The following TMEM232 variants were observed in gnomAD, a reference collection of about 807,000 sequenced individuals.
TMEM232 encodes transmembrane protein 232.
TMEM232 carries 80 observed loss-of-function variants against 78.8 expected under a neutral mutation model. That is an observed-to-expected ratio of 1.01 (90% confidence interval 0.85 to 1.22). The LOEUF is 1.22. TMEM232 is among the 50% of genes most tolerant of loss of function. TMEM232 has a pLI of 0.00. For missense variants in TMEM232, 881 were observed against 742.2 expected (o/e 1.19, Z -2.17); for synonymous variants, 297 against 254.3 (o/e 1.17, Z -1.60).
chr5:110,698,510 G>T (rs184241446), intron 1 of TMEM232, among the ~76,000 whole-genome samples: 5 of 151,940 alleles, frequency 3.3e-5, no homozygotes, highest in African/African-American at 1.2e-4. Flanking sequence ...TGGCATAGTC[G>T]GCAGAATTCC....
chr5:110,567,919 T>A (rs1310582160), intron 11 of TMEM232, among the ~76,000 whole-genome samples: 1 of 151,982 alleles, frequency 6.6e-6, no homozygotes, highest in Non-Finnish European at 1.5e-5. Flanking sequence ...ATTTGAATCT[T>A]ACCAACAGCC....
intron 12 of TMEM232, among the ~76,000 whole-genome samples, chr5:110,482,852 C>A (rs996732619): frequency 6.6e-6 from 1 of 151,706 alleles, no homozygotes; most frequent in African/African-American, 2.4e-5. Context: ...CCAGAAAAAA[C>A]TTTCTTCAAA....
At chr5:110,695,975 C>A (rs1193967524) in intron 1 of TMEM232, among the ~76,000 whole-genome samples, 1 of 152,142 alleles carries the variant, frequency 6.6e-6, no homozygotes, top group Non-Finnish European at 1.5e-5. Context: ...CATCCTGATA[C>A]CAAAGCCTAG....
intron 12 of TMEM232, among the ~76,000 whole-genome samples, chr5:110,492,214 T>C (rs1765181545): frequency 6.6e-6 from 1 of 151,072 alleles, no homozygotes; most frequent in African/African-American, 2.4e-5. Context: ...AATAATAAAA[T>C]TAAAAAAAGA....
intron 10 of TMEM232, among the ~76,000 whole-genome samples, chr5:110,593,441 G>A (rs114912390): frequency 0.019 from 2,953 of 152,166 alleles, 90 homozygotes; most frequent in African/African-American, 0.068. Context: ...ACTTCCTGGG[G>A]GAAAATATCA....
At chr5:110,612,877 G>C (rs949559804) in intron 8 of TMEM232, among the ~76,000 whole-genome samples, 7 of 151,618 alleles carry the variant, frequency 4.6e-5, no homozygotes, top group Non-Finnish European at 1.0e-4. Context: ...GCGTTGACTT[G>C]AGCTATCTCC....
intron 11 of TMEM232, among the ~76,000 whole-genome samples, chr5:110,553,077 C>G (rs928047427): frequency 2.0e-5 from 3 of 152,028 alleles, no homozygotes; most frequent in Non-Finnish European, 4.4e-5. Context: ...GGTTCTCTAT[C>G]TTGTTCCATT....
chr5:110,682,584 A>G (rs1419804867), intron 1 of TMEM232, among the ~76,000 whole-genome samples: 1 of 152,170 alleles, frequency 6.6e-6, no homozygotes, highest in Non-Finnish European at 1.5e-5. Flanking sequence ...TATTTATCTG[A>G]AATGGCCAAA....
At chr5:110,404,166 G>T (rs1259967145) in intron 2 of TMEM232, among the ~76,000 whole-genome samples, 5 of 151,890 alleles carry the variant, frequency 3.3e-5, no homozygotes, top group African/African-American at 1.2e-4. Flanking sequence ...TTTTGACATT[G>T]AAATTTTCTA....
chr5:110,690,450 C>T (rs111592389), intron 1 of TMEM232, among the ~76,000 whole-genome samples: 18 of 152,158 alleles, frequency 1.2e-4, no homozygotes, highest in South Asian at 2.1e-4. Flanking sequence ...CTTAGAATGG[C>T]GATCATTAAA....
At chr5:110,557,823 G>A (rs959043298) in intron 11 of TMEM232, among the ~76,000 whole-genome samples, 3 of 152,132 alleles carry the variant, frequency 2.0e-5, no homozygotes, top group Non-Finnish European at 4.4e-5. Context: ...AATTGAACAT[G>A]AGACTTGGGT....
chr5:110,440,814 C>T (rs1330733149), intron 12 of TMEM232, among the ~76,000 whole-genome samples: 2 of 152,092 alleles, frequency 1.3e-5, no homozygotes, highest in Non-Finnish European at 2.9e-5. Flanking sequence ...GATTTTCAGG[C>T]GTGTATAGTT....
Position 110,568,572 on chromosome 5 carries a change from T to C in TMEM232, c.1330A>G (p.Ile444Val). Residue 444 changes from isoleucine to valine, a missense_variant, in exon 11 of 14, where the codon ATT becomes GTT. Transcript: ENST00000455884. ...YYGLVYNLVK[I>V]SWELQGDEEQ... ...TCGTCTCCTTGAAGTTCCCATGAAATTTTCACCAGGTTATACACTAAGCCA... is the reference window on the plus strand; with the variant it reads ...TCGTCTCCTTGAAGTTCCCATGAAACTTTCACCAGGTTATACACTAAGCCA... 1.3e-6 allele frequency: 2 copies of C among 1,549,656 alleles called. No homozygotes were observed. Among genetic ancestry groups the C allele is most frequent in the Non-Finnish European group, 1.7e-6 (2 of 1,145,814 alleles).
chr5:110,732,497 G>A (rs971181349), intron 2 of TMEM232, among the ~76,000 whole-genome samples: 1 of 152,208 alleles, frequency 6.6e-6, no homozygotes, highest in Non-Finnish European at 1.5e-5. Context: ...ATGGCAGGAG[G>A]TGAAAGGCAC....
intron 2 of TMEM232, among the ~76,000 whole-genome samples, chr5:110,655,940 A>C: frequency 6.7e-6 from 1 of 148,794 alleles, no homozygotes; most frequent in Non-Finnish European, 1.5e-5. Context: ...TAGCATTAGG[A>C]GATATACCTA....
At chr5:110,596,951 G>C (rs1780243707) in intron 10 of TMEM232, among the ~76,000 whole-genome samples, 2 of 152,132 alleles carry the variant, frequency 1.3e-5, no homozygotes, top group African/African-American at 4.8e-5. Flanking sequence ...TTGAAAACTG[G>C]CACAAGATAG....
intron 2 of TMEM232, among the ~76,000 whole-genome samples, chr5:110,734,727 T>C (rs918274564): frequency 9.9e-5 from 15 of 152,186 alleles, no homozygotes; most frequent in Non-Finnish European, 2.1e-4. Context: ...TCCCTAACAA[T>C]GTAATCAGGA....
chr5:110,714,613 TAC>T (rs368635134), intron 1 of TMEM232, among the ~76,000 whole-genome samples: 3 of 151,560 alleles, frequency 2.0e-5, no homozygotes, highest in Non-Finnish European at 4.4e-5. Context: ...CAATGTGAAA[TAC>T]ACACACACAC....
rs879685062 is a variant in TMEM232, at chr5:110,663,771, GTGTA to G, written c.125+3453_125+3456del. ...TGTGTGTGTGTGTGTGTGTGTGTGT[GTGTA>G]TATACAATATTCAGATACTTTTGGA... On this transcript the variant is annotated intron_variant, in intron 2 of 13. Coordinates refer to ENST00000455884, the MANE Select transcript of TMEM232 (RefSeq NM_001039763.4). Among the ~76,000 whole-genome samples the G allele has an allele frequency of 4.5e-3, 656 of 144,554 alleles. 3 individuals are homozygous for G. The highest frequency in any genetic ancestry group is 7.8e-3 in the South Asian group (35 of 4,472). 94.8% of individuals were successfully genotyped at this position (144,554 alleles called of 152,430 possible).
Sources: allele counts gnomAD v4.1 joint callset (sites outside exome capture counted in the v4.1 genomes callset), GRCh38; gene constraint gnomAD v4.1.1; transcripts MANE v1.5; gene names NCBI Gene and HGNC (gene_info 2026-07-23, HGNC 2026-07-21).